Variants in DRC8 observed in about 807,000 individuals in gnomAD.
DRC8 encodes the protein dynein regulatory complex protein 8.
At chr1:245,046,971 T>C in the DRC8 span, among the ~76,000 whole-genome samples, 7 of 152,194 alleles carry the variant, frequency 4.6e-5, no homozygotes, top group Non-Finnish European at 8.8e-5. Context: ...TGCTCCGTTT[T>C]AGAGGGCGAG....
chr1:245,072,574 A>G, the DRC8 span, among the ~76,000 whole-genome samples: 69,352 of 152,082 alleles, frequency 0.46, 17,389 homozygotes, highest in East Asian at 0.69. Flanking sequence ...ACTCTGTGTG[A>G]TACTATCATG....
chr1:245,072,313 G>A, the DRC8 span, among the ~76,000 whole-genome samples: 2 of 152,044 alleles, frequency 1.3e-5, no homozygotes, highest in African/African-American at 2.4e-5. Context: ...TTGAGACAGG[G>A]TCTCACTCTG....
chr1:245,015,547 A>G, the DRC8 span, among the ~76,000 whole-genome samples: 24 of 151,816 alleles, frequency 1.6e-4, no homozygotes, highest in Non-Finnish European at 3.1e-4. Flanking sequence ...TGTCTCTACT[A>G]AAAATACAAA....
the DRC8 span, among the ~76,000 whole-genome samples, chr1:245,054,563 CG>C: frequency 1.3e-5 from 2 of 152,166 alleles, no homozygotes; most frequent in Admixed American, 6.5e-5. Context: ...CTCCACGCCC[CG>C]GCCCTCTCCT....
the DRC8 span, chr1:245,087,549 A>G: frequency 8.2e-7 from 1 of 1,216,680 alleles, no homozygotes; most frequent in East Asian, 3.6e-5. Flanking sequence ...AGCCTTACAG[A>G]ATGATAAATT....
chr1:245,080,062 G>A, the DRC8 span, among the ~76,000 whole-genome samples: 1 of 152,168 alleles, frequency 6.6e-6, no homozygotes, highest in African/African-American at 2.4e-5. Context: ...CTTGCTAGGT[G>A]TGAATCTAGT....
At chr1:245,098,414 G>A in the DRC8 span, among the ~76,000 whole-genome samples, 1 of 152,142 alleles carries the variant, frequency 6.6e-6, no homozygotes, top group African/African-American at 2.4e-5. Flanking sequence ...GGCTCCGAGG[G>A]CTGAACCTGG....
At chr1:245,114,767 T>C in the DRC8 span, among the ~76,000 whole-genome samples, 1 of 152,228 alleles carries the variant, frequency 6.6e-6, no homozygotes, top group South Asian at 2.1e-4. Context: ...CTTGCTCTGT[T>C]GCCCAAGCTG....
chr1:245,105,799 G>A, the DRC8 span, among the ~76,000 whole-genome samples: 15 of 152,196 alleles, frequency 9.9e-5, no homozygotes, highest in East Asian at 2.7e-3. Context: ...ATTTTTGGCT[G>A]GATGCTGTGG....
the DRC8 span, among the ~76,000 whole-genome samples, chr1:245,114,189 G>T: frequency 6.6e-6 from 1 of 152,112 alleles, no homozygotes; most frequent in African/African-American, 2.4e-5. Flanking sequence ...CCTGGGCCGG[G>T]TGTGGTGGCT....
the DRC8 span, among the ~76,000 whole-genome samples, chr1:245,076,611 T>C: frequency 6.6e-6 from 1 of 151,880 alleles, no homozygotes; most frequent in South Asian, 2.1e-4. Context: ...ATGTCTGATA[T>C]AATATATGGA....
the DRC8 span, among the ~76,000 whole-genome samples, chr1:245,101,672 A>T: frequency 1.7e-4 from 26 of 152,276 alleles, no homozygotes; most frequent in Non-Finnish European, 2.9e-4. Flanking sequence ...AGTAGTTTTT[A>T]AAATTATTTT....
At chr1:245,057,144 G>A in the DRC8 span, among the ~76,000 whole-genome samples, 11 of 152,224 alleles carry the variant, frequency 7.2e-5, no homozygotes, top group Non-Finnish European at 1.0e-4. Context: ...GTGATTGGCC[G>A]AAACTCTGTG....
chr1:245,055,576 G>A, the DRC8 span, among the ~76,000 whole-genome samples: 1 of 152,048 alleles, frequency 6.6e-6, no homozygotes, highest in East Asian at 1.9e-4. Context: ...CCCACCCACA[G>A]CCTCCCAGAG....
the DRC8 span, among the ~76,000 whole-genome samples, chr1:245,069,609 G>T: frequency 6.6e-6 from 1 of 152,312 alleles, no homozygotes; most frequent in Admixed American, 6.5e-5. Context: ...GAGCAGTAGT[G>T]GCCGGGGAAT....
chr1:245,052,477 C>T, the DRC8 span, among the ~76,000 whole-genome samples: 55 of 152,308 alleles, frequency 3.6e-4, no homozygotes, highest in African/African-American at 1.2e-3. Context: ...GGAGGAACCA[C>T]GCAGCCAACC....
At chr1:244,972,024 TAAA>T in the DRC8 span, among the ~76,000 whole-genome samples, 8 of 151,394 alleles carry the variant, frequency 5.3e-5, no homozygotes, top group African/African-American at 1.9e-4. Flanking sequence ...TTTATTTTCT[TAAA>T]AAAGACTTGG....
At chr1:245,099,350 T>A in the DRC8 span, among the ~76,000 whole-genome samples, 1 of 152,226 alleles carries the variant, frequency 6.6e-6, no homozygotes, top group South Asian at 2.1e-4. Flanking sequence ...CAAAAGCCCA[T>A]AGTGAGACTA....
the DRC8 span, among the ~76,000 whole-genome samples, chr1:245,082,640 A>G: frequency 6.6e-6 from 1 of 152,182 alleles, no homozygotes; most frequent in Non-Finnish European, 1.5e-5. Flanking sequence ...CAGAAATCCA[A>G]AAAGATTTCA....
Sources: gnomAD v4.1 joint callset for allele counts (sites outside exome capture counted in the v4.1 genomes callset) on GRCh38, gnomAD v4.1.1 for gene constraint, MANE v1.5 for transcripts, NCBI Gene and HGNC (gene_info 2026-07-23, HGNC 2026-07-21) for gene names.